TCF4: variants seen among roughly 807,000 people sequenced by gnomAD.
TCF4 encodes the protein transcription factor 4.
In TCF4, 3 loss-of-function variants were observed where a neutral mutation model predicts 82.1. That is an observed-to-expected ratio of 0.04 (90% CI 0.02 to 0.09). The LOEUF is 0.09. Among genes scored for constraint, TCF4 ranks in the 10% least tolerant of loss-of-function variants. The probability of loss-of-function intolerance (pLI) is 1.00; values close to 1 mark genes in which losing one functional copy is unlikely to be tolerated. For synonymous variants in TCF4, 276 were observed against 309.6 expected (o/e 0.89, Z 1.14); for missense variants, 518 against 852.7 (o/e 0.61, Z 4.89).
At chr18:55,253,708 A>T (rs1415111119) in intron 15 of TCF4, among the ~76,000 whole-genome samples, 1 of 152,206 alleles carries the variant, frequency 6.6e-6, no homozygotes, top group African/African-American at 2.4e-5. Flanking sequence ...CAATGTATTT[A>T]TACAAATAAA....
At chr18:55,518,640 G>A (rs1468247578) in intron 3 of TCF4, among the ~76,000 whole-genome samples, 4 of 152,196 alleles carry the variant, frequency 2.6e-5, no homozygotes, top group African/African-American at 9.7e-5. Flanking sequence ...GATAACACAT[G>A]TGAAGCAAGG....
intron 15 of TCF4, among the ~76,000 whole-genome samples, chr18:55,243,553 T>A (rs2052028482): frequency 6.6e-6 from 1 of 152,162 alleles, no homozygotes; most frequent in Admixed American, 6.5e-5. Flanking sequence ...AGAGTAGCAT[T>A]AAATCAGGGG....
chr18:55,631,157 C>G, intron 2 of TCF4: 1 of 330,694 alleles, frequency 3.0e-6, no homozygotes, highest in Non-Finnish European at 5.7e-6. Context: ...TCAAGCAATT[C>G]TCCTGCCTCA....
chr18:55,455,128 A>G (rs1603478565), intron 5 of TCF4, among the ~76,000 whole-genome samples: 1 of 146,418 alleles, frequency 6.8e-6, no homozygotes, highest in East Asian at 2.1e-4. Context: ...TTGAGGCTTC[A>G]GAGATCATCC....
chr18:55,248,180 T>C (rs542931117), intron 15 of TCF4, among the ~76,000 whole-genome samples: 3 of 152,296 alleles, frequency 2.0e-5, no homozygotes, highest in South Asian at 4.1e-4. Flanking sequence ...AAACTTTCAG[T>C]TGAGGTTACT....
chr18:55,544,236 T>C (rs146343092), intron 3 of TCF4, among the ~76,000 whole-genome samples: 4 of 152,330 alleles, frequency 2.6e-5, no homozygotes, highest in Non-Finnish European at 2.9e-5. Flanking sequence ...ATTTCCTCAA[T>C]TGTAAAATGA....
intron 6 of TCF4, among the ~76,000 whole-genome samples, chr18:55,353,062 T>C (rs1569148252): frequency 6.6e-6 from 1 of 152,178 alleles, no homozygotes; most frequent in Non-Finnish European, 1.5e-5. Context: ...GCTAAGCAAA[T>C]ATGTTGAAAT....
chr18:55,251,930 G>GTTTTTGT (rs1568456125), intron 15 of TCF4, among the ~76,000 whole-genome samples: 1 of 101,268 alleles, frequency 9.9e-6, no homozygotes. Flanking sequence ...GGGGGATGAG[G>GTTTTTGT]TTTTTTTTTT....
chr18:55,510,579 C>A lies in TCF4; in HGVS notation c.146-46442G>T, dbSNP rs1164726138. On this transcript the variant is annotated intron_variant, in intron 3 of 19. Coordinates refer to ENST00000354452, the MANE Select transcript of TCF4 (RefSeq NM_001083962.2). Reference sequence around the variant, plus strand: ...AAATACAAGTTACATAAATATTTACCTCTGCTGTCCTCTTCCATATGAATA... The same window carrying A: ...AAATACAAGTTACATAAATATTTACATCTGCTGTCCTCTTCCATATGAATA... 6.7e-7 allele frequency: 1 copy of A among 1,495,156 alleles called. No individual in the cohort carries two copies. Among genetic ancestry groups the A allele is most frequent in the Non-Finnish European group, 8.9e-7 (1 of 1,121,892 alleles). 92.6% of individuals were successfully genotyped at this position (1,495,156 alleles called of 1,614,324 possible).
At chr18:55,293,649 CTG>C (rs1321496114) in intron 8 of TCF4, among the ~76,000 whole-genome samples, 2 of 152,262 alleles carry the variant, frequency 1.3e-5, no homozygotes, top group Admixed American at 6.5e-5. Flanking sequence ...CAACAAGACA[CTG>C]AGAAAACACT....
At chr18:55,559,998 A>G (rs2097341046) in intron 3 of TCF4, among the ~76,000 whole-genome samples, 1 of 152,210 alleles carries the variant, frequency 6.6e-6, no homozygotes, top group Non-Finnish European at 1.5e-5. Flanking sequence ...TGGCCTTGCC[A>G]TTGTCTCTTA....
At chr18:55,603,216 C>T (rs1290233295) in intron 2 of TCF4, among the ~76,000 whole-genome samples, 1 of 152,122 alleles carries the variant, frequency 6.6e-6, no homozygotes, top group Non-Finnish European at 1.5e-5. Flanking sequence ...TTCTACCCAC[C>T]AAATGCCCGT....
intron 3 of TCF4, among the ~76,000 whole-genome samples, chr18:55,517,740 T>C (rs2096896841): frequency 6.6e-6 from 1 of 152,146 alleles, no homozygotes; most frequent in African/African-American, 2.4e-5. Context: ...AGAGGATTTA[T>C]AAACATCCTC....
At chr18:55,339,527 TC>T (rs1370269579) in intron 8 of TCF4, among the ~76,000 whole-genome samples, 3 of 152,204 alleles carry the variant, frequency 2.0e-5, no homozygotes. Context: ...CAGTCCCTGT[TC>T]AGGGTGTACA....
At chr18:55,364,896 C>T (rs1376709817) in intron 6 of TCF4, among the ~76,000 whole-genome samples, 1 of 152,000 alleles carries the variant, frequency 6.6e-6, no homozygotes, top group Non-Finnish European at 1.5e-5. Context: ...CATGGTGGCT[C>T]ATGCCTCTAA....
chr18:55,531,184 CCT>C, intron 3 of TCF4, among the ~76,000 whole-genome samples: 1 of 152,094 alleles, frequency 6.6e-6, no homozygotes, highest in East Asian at 1.9e-4. Flanking sequence ...CAACTCCTGA[CCT>C]CAAGTGATCC....
At position 55,223,708 on chromosome 18, in the gene TCF4, CCT is replaced by C. The variant is rs2046183800; in HGVS notation, c.*4325_*4326del. 1 of 104,074 alleles carries C rather than the reference CCT, an allele frequency of 9.6e-6. No individual in the cohort carries two copies. The highest frequency in any genetic ancestry group is 8.8e-5 in the Admixed American group (1 of 11,388). 6.4% of individuals were successfully genotyped at this position (104,074 alleles called of 1,614,324 possible). A position where few individuals can be genotyped will look rare whatever the true frequency, so the allele number is the denominator to read the frequency against. ...TTTTTTTTTTTTTTGAAATGTTTTC[CCT>C]TTTTTTTTTTTTAACAATTTTTTTA... is the stretch of plus-strand genomic sequence containing the variant. On this transcript the variant is annotated 3_prime_UTR_variant, in exon 20 of 20. Coordinates refer to ENST00000354452, the MANE Select transcript of TCF4 (RefSeq NM_001083962.2).
intron 6 of TCF4, among the ~76,000 whole-genome samples, chr18:55,396,000 C>CT (rs2093467051): frequency 6.6e-6 from 1 of 152,196 alleles, no homozygotes; most frequent in Non-Finnish European, 1.5e-5. Flanking sequence ...TCCCTACTGA[C>CT]TGTTCAGAGT....
intron 8 of TCF4, among the ~76,000 whole-genome samples, chr18:55,348,801 T>C: frequency 6.6e-6 from 1 of 152,174 alleles, no homozygotes; most frequent in East Asian, 1.9e-4. Flanking sequence ...AAGGAGGGTA[T>C]GATAGCTTTA....
Sources: allele counts gnomAD v4.1 joint callset (sites outside exome capture counted in the v4.1 genomes callset), GRCh38; gene constraint gnomAD v4.1.1; transcripts MANE v1.5; gene names NCBI Gene and HGNC (gene_info 2026-07-23, HGNC 2026-07-21).